ANXA8: variants seen among roughly 807,000 people sequenced by gnomAD.
ANXA8 encodes the protein annexin A8.
In ANXA8, 9 loss-of-function variants were observed where a neutral mutation model predicts 26.8. The ratio of observed to expected loss-of-function variants is 0.34; its 90% CI spans 0.20 to 0.59. ANXA8 has a LOEUF of 0.59. ANXA8 is among the 20% of genes least tolerant of loss of function. ANXA8 has a pLI of 0.84. For synonymous variants in ANXA8, 39 were observed against 94.8 expected (o/e 0.41, Z 3.42); for missense variants, 83 against 238.5 (o/e 0.35, Z 4.29).
chr10:47,516,178 A>T, the ANXA8 span, among the ~76,000 whole-genome samples: 1 of 69,878 alleles, frequency 1.4e-5, no homozygotes, highest in Non-Finnish European at 2.5e-5. Flanking sequence ...GAAGAACAAG[A>T]CTATCAGTAA....
At chr10:47,940,800 C>A in the ANXA8 span, among the ~76,000 whole-genome samples, 8 of 140,016 alleles carry the variant, frequency 5.7e-5, 1 homozygote, top group African/African-American at 2.3e-4. Flanking sequence ...TGCACTCCAG[C>A]TTAGGCGACA....
At chr10:47,476,398 A>T in intron 4 of ANXA8, 76 bp from the exon 5 acceptor site, 1 of 486,284 alleles carries the variant, frequency 2.1e-6, no homozygotes, top group Non-Finnish European at 3.6e-6. Context: ...TTTTCTCAAG[A>T]TGCCTGAGCC....
chr10:47,675,855 G>A, the ANXA8 span, among the ~76,000 whole-genome samples: 6 of 151,786 alleles, frequency 4.0e-5, no homozygotes, highest in Non-Finnish European at 7.4e-5. Flanking sequence ...ATGATTGAAT[G>A]ATAAAGGTTA....
chr10:47,603,535 G>A, the ANXA8 span, among the ~76,000 whole-genome samples: 15 of 143,078 alleles, frequency 1.0e-4, no homozygotes, highest in South Asian at 6.3e-4. Context: ...TTTTTGAGAC[G>A]GAGTCTTGCT....
chr10:47,581,154 T>G, the ANXA8 span: 1 of 325,010 alleles, frequency 3.1e-6, no homozygotes, highest in Non-Finnish European at 6.0e-6. Context: ...AGCACAAATG[T>G]CAATTGCTTC....
chr10:47,699,297 C>G, the ANXA8 span, among the ~76,000 whole-genome samples: 1 of 138,810 alleles, frequency 7.2e-6, no homozygotes, highest in Non-Finnish European at 1.5e-5. Context: ...GCAGTGAGCA[C>G]CTGTACACTG....
At chr10:47,744,161 C>T in the ANXA8 span, among the ~76,000 whole-genome samples, 196 of 148,444 alleles carry the variant, frequency 1.3e-3, 2 homozygotes, top group Non-Finnish European at 2.5e-3. Context: ...GCTGCACCGG[C>T]AGGAGCGGCT....
the ANXA8 span, among the ~76,000 whole-genome samples, chr10:47,628,342 T>C: frequency 6.6e-6 from 1 of 152,046 alleles, no homozygotes; most frequent in African/African-American, 2.4e-5. Flanking sequence ...ACTACATACA[T>C]TATACATGTT....
At chr10:47,627,273 C>A in the ANXA8 span, among the ~76,000 whole-genome samples, 1 of 149,964 alleles carries the variant, frequency 6.7e-6, no homozygotes, top group Non-Finnish European at 1.5e-5. Flanking sequence ...TAATCAAACC[C>A]AGTTTCTATT....
At chr10:47,665,103 C>T in the ANXA8 span, among the ~76,000 whole-genome samples, 10 of 147,638 alleles carry the variant, frequency 6.8e-5, no homozygotes, top group South Asian at 2.1e-3. Context: ...GTTTTTTTGG[C>T]CATAGTATTA....
chr10:47,700,114 A>T, the ANXA8 span, among the ~76,000 whole-genome samples: 1 of 152,026 alleles, frequency 6.6e-6, no homozygotes, highest in Non-Finnish European at 1.5e-5. Flanking sequence ...TGTAGTTCCA[A>T]TGAAAATATA....
At chr10:47,953,372 C>T in the ANXA8 span, among the ~76,000 whole-genome samples, 50 of 150,574 alleles carry the variant, frequency 3.3e-4, no homozygotes, top group African/African-American at 4.7e-4. Flanking sequence ...GGAAATGTGA[C>T]GACCCCTCAC....
chr10:47,896,904 T>TTTTTTTTATTTTTTTATTTA, the ANXA8 span, among the ~76,000 whole-genome samples: 1 of 145,930 alleles, frequency 6.9e-6, no homozygotes, highest in African/African-American at 2.6e-5. Flanking sequence ...AATGAAGAGA[T>TTTTTTTTATTTTTTTATTTA]TTTATTTATT....
the ANXA8 span, among the ~76,000 whole-genome samples, chr10:47,743,488 T>C: frequency 1.5e-5 from 2 of 133,500 alleles, no homozygotes; most frequent in Non-Finnish European, 3.2e-5. Context: ...CGTTGGTTAT[T>C]TTGGTGGGGA....
upstream of ANXA8, among the ~76,000 whole-genome samples, chr10:47,488,476 G>T (rs1840084611): frequency 1.3e-5 from 2 of 150,284 alleles, no homozygotes; most frequent in African/African-American, 5.0e-5. Context: ...TTCCCGAAGG[G>T]CTAGGATTAC....
chr10:47,937,910 T>C, the ANXA8 span, among the ~76,000 whole-genome samples: 1 of 132,492 alleles, frequency 7.5e-6, no homozygotes, highest in South Asian at 2.5e-4. Flanking sequence ...CCACATCTTC[T>C]TTATCCAATC....
At chr10:47,622,276 C>A in the ANXA8 span, among the ~76,000 whole-genome samples, 1 of 111,456 alleles carries the variant, frequency 9.0e-6, no homozygotes, top group Non-Finnish European at 2.0e-5. Context: ...TGCTCCCTGA[C>A]CTGCAGTAGT....
the ANXA8 span, among the ~76,000 whole-genome samples, chr10:47,610,633 T>G: frequency 2.3e-3 from 327 of 144,484 alleles, 2 homozygotes; most frequent in African/African-American, 8.2e-3. Flanking sequence ...TTGTTAATTC[T>G]TTCATTTTAA....
the ANXA8 span, among the ~76,000 whole-genome samples, chr10:47,535,253 C>A: frequency 1.5e-5 from 2 of 132,444 alleles, no homozygotes; most frequent in African/African-American, 3.4e-5. Context: ...GGATTACAGG[C>A]GGGAGCCACC....
Sources: gnomAD v4.1 joint callset for allele counts (sites outside exome capture counted in the v4.1 genomes callset) on GRCh38, gnomAD v4.1.1 for gene constraint, MANE v1.5 for transcripts, NCBI Gene and HGNC (gene_info 2026-07-23, HGNC 2026-07-21) for gene names.